VRTN: variants seen among roughly 807,000 people sequenced by gnomAD.
VRTN encodes vertebrae development associated.
A neutral mutation model predicts 18.2 loss-of-function variants in VRTN; 5 were observed. The observed-to-expected ratio is 0.27, with a 90% CI of 0.14 to 0.58. The LOEUF is 0.58. Among genes scored for constraint, VRTN ranks in the 20% least tolerant of loss-of-function variants. The pLI is 0.91. For missense variants in VRTN, 741 were observed against 939.4 expected (o/e 0.79, Z 2.76); for synonymous variants, 381 against 393.7 (o/e 0.97, Z 0.38).
Position 74,358,754 on chromosome 14 carries a change from G to C in VRTN, c.1971G>C (p.Leu657=), listed in dbSNP as rs113259132. ...CGAAGTTCAAGGCCCAGGCCAAGCT[G>C]TTCTTGCAGAAGCGCTTCCAGTCCA... is the stretch of plus-strand genomic sequence containing the variant. ...ATTKFKAQAK[L]FLQKRFQSKS... Residue 657 remains leucine (L), a synonymous_variant, in exon 2 of 2, where the codon CTG becomes CTC. Transcript: ENST00000256362. This position sits in a 1 kb window ranked among gnomAD's most constrained non-coding sequence, Gnocchi z 5.4. 5.1e-5 allele frequency: 83 copies of C among 1,614,250 alleles called. No homozygotes were observed. The African/African-American group carries it at 8.8e-4, about 17-fold the overall frequency.
chr14:74,350,869 A>T (rs903838193), intron 1 of VRTN, among the ~76,000 whole-genome samples: 2 of 152,222 alleles, frequency 1.3e-5, no homozygotes, highest in Non-Finnish European at 2.9e-5. Context: ...GCTGGCAGAT[A>T]CTTGTTAACA....
At chr14:74,344,538 G>A (rs1282318565), upstream of VRTN, among the ~76,000 whole-genome samples, 1 of 150,994 alleles carries the variant, frequency 6.6e-6, no homozygotes, top group Non-Finnish European at 1.5e-5. Flanking sequence ...TTCGAAACCA[G>A]CCTGGCCACA....
At position 74,357,160 on chromosome 14, in the gene VRTN, C is replaced by A. The variant is rs1195889294; in HGVS notation, c.377C>A (p.Ser126Tyr). The change falls in exon 2 of 2, where the codon TCC (serine) becomes TAC (tyrosine). Residue 126 changes from serine to tyrosine, a missense_variant. By Grantham distance (144) the Ser-to-Tyr change is moderately radical. Transcript: ENST00000256362. The surrounding 1 kb of genome is among the most constrained non-coding windows in gnomAD (Gnocchi z 7.8). ...TACTACCTCCAGGGCATGATCGACT[C>A]CAAAGTGATGCTGCAGGCCGTGCGC... is the stretch of plus-strand genomic sequence containing the variant. Reference protein sequence around the residue: ...RHYYLQGMIDSKVMLQAVRYS... With the variant: ...RHYYLQGMIDYKVMLQAVRYS... 1 of 1,599,314 alleles carries A rather than the reference C, an allele frequency of 6.3e-7. No homozygotes were observed. Among genetic ancestry groups the A allele is most frequent in the Non-Finnish European group, 8.5e-7 (1 of 1,173,220 alleles).
chr14:74,344,803 C>A (rs1595172747), upstream of VRTN, among the ~76,000 whole-genome samples: 1 of 138,834 alleles, frequency 7.2e-6, no homozygotes, highest in African/African-American at 2.8e-5. Flanking sequence ...TTTCATTGGA[C>A]AGTAGTGGCT....
At chr14:74,344,407 CAAA>C (rs58231760), upstream of VRTN, among the ~76,000 whole-genome samples, 1 of 66,282 alleles carries the variant, frequency 1.5e-5, no homozygotes. Context: ...AAGACTGTCT[CAAA>C]AAAAAAAAAA....
At chr14:74,342,466 T>C (rs138632024) in intron 2 of VRTN, among the ~76,000 whole-genome samples, 1,573 of 152,276 alleles carry the variant, frequency 0.01, 23 homozygotes, top group African/African-American at 0.036. Context: ...CGTGTATATA[T>C]GTATATGCGC....
chr14:74,325,156 G>A (rs995729898), intron 1 of VRTN, among the ~76,000 whole-genome samples: 1 of 152,066 alleles, frequency 6.6e-6, no homozygotes, highest in African/African-American at 2.4e-5. Flanking sequence ...GGAGTGCACT[G>A]GTCAAGGCAA....
intron 1 of VRTN, among the ~76,000 whole-genome samples, chr14:74,312,099 T>C (rs927402577): frequency 6.6e-6 from 1 of 152,218 alleles, no homozygotes; most frequent in African/African-American, 2.4e-5. Flanking sequence ...AATTACTTTT[T>C]TCCACTGTTA....
intron 2 of VRTN, among the ~76,000 whole-genome samples, chr14:74,340,381 G>A (rs1415551071): frequency 6.6e-6 from 1 of 151,890 alleles, no homozygotes; most frequent in Non-Finnish European, 1.5e-5. Context: ...CAAAGTGCTG[G>A]GATTACAGGC....
At chr14:74,304,241 G>C (rs961457822) in intron 1 of VRTN, among the ~76,000 whole-genome samples, 1 of 149,382 alleles carries the variant, frequency 6.7e-6, no homozygotes, top group African/African-American at 2.5e-5. Context: ...ACTGCAACCT[G>C]TGCCTCCCGG....
intron 2 of VRTN, among the ~76,000 whole-genome samples, chr14:74,341,098 T>A (rs562837320): frequency 6.6e-6 from 1 of 152,338 alleles, no homozygotes; most frequent in South Asian, 2.1e-4. Flanking sequence ...ATGGGACAGA[T>A]GGATGAATTC....
Position 74,358,363 on chromosome 14 carries a change from G to T in VRTN, c.1580G>T (p.Cys527Phe). The change falls in exon 2 of 2, where the codon TGC becomes TTC. Residue 527 changes from cysteine (C) to phenylalanine (F), a missense_variant. Around this residue, in one of 3 missense-constraint regions of VRTN, gnomAD observed 494 missense variants for 546.5 expected, o/e 0.90. Coordinates refer to ENST00000256362, the MANE Select transcript of VRTN (RefSeq NM_018228.3). The surrounding 1 kb of genome is among the most constrained non-coding windows in gnomAD (Gnocchi z 5.4). ...RQVLSGHLPFCRFRLRYPSLS... is the reference protein window; with the variant it reads ...RQVLSGHLPFFRFRLRYPSLS... ...GTGCTGAGTGGGCATCTCCCTTTCT[G>T]CCGCTTCCGCCTCCGCTACCCCAGC... The T allele has an allele frequency of 1.9e-6, 3 of 1,613,748 alleles. No homozygotes were observed. Among genetic ancestry groups the T allele is most frequent in the Non-Finnish European group, 2.5e-6 (3 of 1,179,996 alleles).
At chr14:74,336,613 A>G (rs1438276917) in intron 1 of VRTN, among the ~76,000 whole-genome samples, 2 of 152,170 alleles carry the variant, frequency 1.3e-5, no homozygotes, top group Non-Finnish European at 2.9e-5. Context: ...TTTCTGGGTT[A>G]GTTCCCATAG....
rs78066486 is a variant in VRTN at position 74,319,562 on chromosome 14, T to C, written c.-164+16386T>C. Among the ~76,000 whole-genome samples, 111 of 151,968 alleles carry C rather than the reference T, an allele frequency of 7.3e-4. 3 individuals are homozygous for C. In the East Asian group the frequency reaches 0.018, roughly 24 times the overall value. The stretch of plus-strand genomic sequence containing the variant: ...TACCATTTACTGGGGTTGGGAGTTA[T>C]GGGGAAAGAACAGATTATGTGTGAG... On this transcript the variant is annotated intron_variant, in intron 1 of 2. Transcript: ENST00000557177.
chr14:74,314,935 A>C (rs2085410578), intron 1 of VRTN, among the ~76,000 whole-genome samples: 1 of 152,160 alleles, frequency 6.6e-6, no homozygotes, highest in South Asian at 2.1e-4. Flanking sequence ...GGTAGGTCAG[A>C]ATTTTATGGC....
chr14:74,310,352 G>A (rs952745124), intron 1 of VRTN, among the ~76,000 whole-genome samples: 8 of 146,626 alleles, frequency 5.5e-5, no homozygotes, highest in Admixed American at 6.8e-5. Flanking sequence ...AGCCGAGATC[G>A]CGCCATTGCA....
intron 2 of VRTN, among the ~76,000 whole-genome samples, chr14:74,341,857 T>C (rs1424494026): frequency 6.6e-6 from 1 of 152,166 alleles, no homozygotes; most frequent in Non-Finnish European, 1.5e-5. Flanking sequence ...CCCCAACTCC[T>C]CTGCTTCTGA....
chr14:74,326,590 T>A (rs2085489007), intron 1 of VRTN, among the ~76,000 whole-genome samples: 1 of 151,908 alleles, frequency 6.6e-6, no homozygotes, highest in Non-Finnish European at 1.5e-5. Flanking sequence ...CAGCGGGGGC[T>A]CCAATGAATG....
chr14:74,349,355 C>T (rs893522731), intron 1 of VRTN, among the ~76,000 whole-genome samples: 1 of 152,178 alleles, frequency 6.6e-6, no homozygotes, highest in Admixed American at 6.5e-5. Context: ...CCTGTGCAGT[C>T]GGGCTGGTGT....
Sources: allele counts gnomAD v4.1 joint callset (sites outside exome capture counted in the v4.1 genomes callset), GRCh38; gene constraint gnomAD v4.1.1; regional missense constraint gnomAD v4.1.1; non-coding constraint Gnocchi (gnomAD v3.1); transcripts MANE v1.5; gene names NCBI Gene and HGNC (gene_info 2026-07-23, HGNC 2026-07-21).